Variants in SCAI observed in about 807,000 individuals in gnomAD.
The protein encoded by SCAI is suppressor of cancer cell invasion, also known as protein SCAI.
SCAI carries 24 observed loss-of-function variants against 92.2 expected under a neutral mutation model. That is an observed-to-expected ratio of 0.26 (90% CI 0.19 to 0.37). The LOEUF (loss-of-function observed/expected upper bound fraction) is 0.37. Ranked by LOEUF, SCAI falls within the 10% of genes least tolerant of loss-of-function variation. The probability of loss-of-function intolerance (pLI) is 1.00; values close to 1 mark genes in which losing one functional copy is unlikely to be tolerated. For synonymous variants in SCAI, 261 were observed against 258.6 expected, an observed-to-expected ratio of 1.01 and a Z score of -0.09; for missense variants, 450 against 736.2, an observed-to-expected ratio of 0.61 and a Z score of 4.50.
At chr9:125,003,076 C>T (rs1429722772) in intron 11 of SCAI, 38 bp downstream of exon 11, 2 of 1,339,898 alleles carry the variant, frequency 1.5e-6, no homozygotes. Context: ...TTAGGGCACA[C>T]TTTCACCTCA....
chr9:124,976,159 G>T lies in SCAI; in HGVS notation c.1354C>A (p.Leu452Ile). 1 of 1,612,304 alleles carries T rather than the reference G, an allele frequency of 6.2e-7. No homozygotes were observed. Among genetic ancestry groups the T allele is most frequent in the Non-Finnish European group, 8.5e-7 (1 of 1,178,370 alleles). Residue 452 changes from leucine to isoleucine, a missense_variant, in exon 15 of 18, where the codon CTA (leucine) becomes ATA (isoleucine). Around this residue, in one of 3 missense-constraint regions of SCAI, gnomAD observed 360 missense variants for 601.8 expected, o/e 0.60. Transcript: ENST00000336505. The stretch of plus-strand genomic sequence containing the variant: ...GCTGTAGGAGAAAGCAAGCAGACTA[G>T]TGGCTGTCCAAACAAGTTTGTGAAA... Reference protein sequence around the residue: ...KNFTNLFGQPLVCLLSPTAYP... With the variant: ...KNFTNLFGQPIVCLLSPTAYP...
rs993681525 is a variant in SCAI, at chr9:124,946,842, A to G, written c.*5965T>C. 6.6e-6 allele frequency: 1 copy of G among 152,210 alleles called. No homozygotes were observed. Among genetic ancestry groups the G allele is most frequent in the Non-Finnish European group, 1.5e-5 (1 of 68,032 alleles). 9.4% of individuals were successfully genotyped at this position (152,210 alleles called of 1,614,324 possible). ...ACAGCAATACGAGTGAAGGCATTTT[A>G]TTCAGTGGAAGCATTTTCTCAGATG... On this transcript the variant is annotated 3_prime_UTR_variant, in exon 18 of 18. Transcript: ENST00000336505. The surrounding 1 kb of genome is among the most constrained non-coding windows in gnomAD (Gnocchi z 4.0).
chr9:125,076,759 C>T (rs1014200095), intron 2 of SCAI, among the ~76,000 whole-genome samples: 2 of 151,908 alleles, frequency 1.3e-5, no homozygotes, highest in African/African-American at 4.8e-5. Context: ...AGTGCAGTGG[C>T]GTGATCTCAG....
rs113710482 is a variant in SCAI, at chr9:125,096,273, A to G, written c.99-40266T>C. Among the ~76,000 whole-genome samples the G allele has an allele frequency of 1.5e-3, 227 of 152,292 alleles. 2 individuals are homozygous for G. The highest frequency in any genetic ancestry group is 5.1e-3 in the African/African-American group (214 of 41,556). The stretch of plus-strand genomic sequence containing the variant: ...GGGAACTCCCCCTTGCAGAACCATC[A>G]GATCTCGTGAGACTTATTCACTATC... On this transcript the variant is annotated intron_variant, in intron 2 of 17. Transcript: ENST00000336505.
chr9:125,130,501 A>C (rs958205745), intron 2 of SCAI, among the ~76,000 whole-genome samples: 3 of 152,118 alleles, frequency 2.0e-5, no homozygotes, highest in Non-Finnish European at 2.9e-5. Context: ...AAAATTAAAA[A>C]TTCAGACTGA....
chr9:124,969,675 T>C (rs1364920585), intron 17 of SCAI, among the ~76,000 whole-genome samples: 1 of 152,260 alleles, frequency 6.6e-6, no homozygotes. Context: ...ATAGCAACTC[T>C]TATATCCTGC....
chr9:125,126,357 T>A (rs1021059044), intron 2 of SCAI, among the ~76,000 whole-genome samples: 3 of 151,822 alleles, frequency 2.0e-5, no homozygotes, highest in African/African-American at 7.3e-5. Context: ...TGCTGCCTCA[T>A]ACCATGGAGT....
intron 17 of SCAI, among the ~76,000 whole-genome samples, chr9:124,964,549 C>T (rs1831502280): frequency 6.6e-6 from 1 of 152,066 alleles, no homozygotes; most frequent in African/African-American, 2.4e-5. Flanking sequence ...ATTGGGGGTT[C>T]TCTTCCATAG....
intron 2 of SCAI, among the ~76,000 whole-genome samples, chr9:125,085,196 T>C (rs1227643863): frequency 6.6e-6 from 1 of 152,062 alleles, no homozygotes; most frequent in East Asian, 1.9e-4. Context: ...AAAAATAAAA[T>C]CAAATAACAG....
intron 2 of SCAI, among the ~76,000 whole-genome samples, chr9:125,092,188 G>T (rs557962672): frequency 6.9e-6 from 1 of 144,298 alleles, no homozygotes; most frequent in Non-Finnish European, 1.5e-5. Context: ...GCTGCACATG[G>T]TGGCTCATGC....
At chr9:125,052,513 G>A (rs1833580357) in intron 3 of SCAI, among the ~76,000 whole-genome samples, 1 of 152,066 alleles carries the variant, frequency 6.6e-6, no homozygotes, top group Non-Finnish European at 1.5e-5. Flanking sequence ...TTGGAGGCAG[G>A]AGAATCGCTT....
intron 9 of SCAI, among the ~76,000 whole-genome samples, chr9:125,008,124 C>T (rs921959963): frequency 1.3e-5 from 2 of 151,582 alleles, no homozygotes; most frequent in Admixed American, 6.6e-5. Flanking sequence ...GGATTACAGG[C>T]GTGAGCCACC....
intron 14 of SCAI, among the ~76,000 whole-genome samples, chr9:124,985,704 C>T (rs561275224): frequency 6.6e-6 from 1 of 151,868 alleles, no homozygotes; most frequent in South Asian, 2.1e-4. Flanking sequence ...CCCGTCTCTA[C>T]TAAAAATACA....
chr9:124,997,279 A>G (rs751386498), intron 13 of SCAI, among the ~76,000 whole-genome samples: 14 of 152,190 alleles, frequency 9.2e-5, no homozygotes, highest in Admixed American at 2.0e-4. Flanking sequence ...CCAGGATCTC[A>G]AAGGGAAAAA....
At chr9:124,979,710 ATTTTTGATTCTGTGAC>A in intron 14 of SCAI, among the ~76,000 whole-genome samples, 1 of 152,240 alleles carries the variant, frequency 6.6e-6, no homozygotes, top group East Asian at 1.9e-4. Context: ...ACTTCTTGAA[ATTTTTGATTCTGTGAC>A]TTTGTGAATG....
At chr9:125,018,710 A>G (rs1564380767) in intron 9 of SCAI, 89 bp downstream of exon 9, 2 of 1,135,806 alleles carry the variant, frequency 1.8e-6, no homozygotes, top group African/African-American at 3.1e-5. Flanking sequence ...AGAGGATGTT[A>G]GGATATTTAT....
intron 3 of SCAI, among the ~76,000 whole-genome samples, chr9:125,043,771 G>C (rs980314447): frequency 6.6e-6 from 1 of 152,180 alleles, no homozygotes; most frequent in African/African-American, 2.4e-5. Flanking sequence ...TGATGGTGGT[G>C]GCAGCCCATC....
chr9:125,131,523 A>G (rs1410586252), intron 2 of SCAI, among the ~76,000 whole-genome samples: 2 of 152,174 alleles, frequency 1.3e-5, no homozygotes, highest in Non-Finnish European at 2.9e-5. Context: ...ACCCTCCAGG[A>G]AGCCCTTGAA....
Position 125,106,099 on chromosome 9 carries a change from A to C in SCAI, c.98+36534T>G, listed in dbSNP as rs1212584234. On this transcript the variant is annotated intron_variant, in intron 2 of 17. Transcript: ENST00000336505. Reference sequence around the variant, plus strand: ...GTGACAGAGTGAGACTCCATCTCAAAAAAAAAAAAAAAAAAAAAAAAAAAT... The same window carrying C: ...GTGACAGAGTGAGACTCCATCTCAACAAAAAAAAAAAAAAAAAAAAAAAAT... Among the ~76,000 whole-genome samples the C allele has an allele frequency of 3.2e-4, 8 of 25,270 alleles. 1 individual carries two copies. The highest frequency in any genetic ancestry group is 5.0e-4 in the Non-Finnish European group (6 of 12,006). The allele number at this position is 25,270 out of a possible 152,430, so 16.6% of individuals were successfully genotyped here. A position where few individuals can be genotyped will look rare whatever the true frequency, so the allele number is the denominator to read the frequency against.
Sources: gnomAD v4.1 joint callset for allele counts (sites outside exome capture counted in the v4.1 genomes callset) on GRCh38, gnomAD v4.1.1 for gene constraint, gnomAD v4.1.1 regional missense constraint, Gnocchi (gnomAD v3.1) non-coding constraint, MANE v1.5 for transcripts, NCBI Gene and HGNC (gene_info 2026-07-23, HGNC 2026-07-21) for gene names.